The following MYO1E variants were observed in gnomAD, a reference collection of about 807,000 sequenced individuals.
The protein encoded by MYO1E is myosin IE.
Under a neutral mutation model 151.1 loss-of-function variants are expected in MYO1E, and 68 were observed. That is an observed-to-expected ratio of 0.45 (90% CI 0.37 to 0.55). The LOEUF (loss-of-function observed/expected upper bound fraction) is 0.55. Among genes scored for constraint, MYO1E ranks in the 20% least tolerant of loss-of-function variants. The probability of loss-of-function intolerance (pLI) is 0.00; values close to 1 mark genes in which losing one functional copy is unlikely to be tolerated. For missense variants in MYO1E, 1,363 were observed against 1,389.3 expected (o/e 0.98, Z 0.30); for synonymous variants, 601 against 501.7 (o/e 1.20, Z -2.64).
Position 59,207,307 on chromosome 15 carries a change from A to C in MYO1E, c.1530+1374T>G, listed in dbSNP as rs774637126. On this transcript the variant is annotated intron_variant, in intron 14 of 27. Transcript: ENST00000288235. ...TCAACATGGCAGCCCTTTCACGAAA[A>C]TGCCAAATATTGTTTGTAGCAAAGA... The C allele has an allele frequency of 3.7e-6, 6 of 1,614,054 alleles. No homozygotes were observed. The highest frequency in any genetic ancestry group is 1.7e-5 in the Admixed American group (1 of 60,004).
At chr15:59,162,168 T>C (rs2079541402) in intron 23 of MYO1E, among the ~76,000 whole-genome samples, 1 of 152,138 alleles carries the variant, frequency 6.6e-6, no homozygotes, top group African/African-American at 2.4e-5. Context: ...CCCGAGTAGC[T>C]GGGACTACAG....
At chr15:59,234,837 A>G (rs2080052635) in intron 5 of MYO1E, among the ~76,000 whole-genome samples, 2 of 151,876 alleles carry the variant, frequency 1.3e-5, no homozygotes, top group African/African-American at 4.8e-5. Flanking sequence ...AAAAAAAAAA[A>G]AAAAAGGGAA....
At chr15:59,314,836 A>C (rs2080576304) in intron 1 of MYO1E, among the ~76,000 whole-genome samples, 1 of 152,152 alleles carries the variant, frequency 6.6e-6, no homozygotes, top group African/African-American at 2.4e-5. Flanking sequence ...ACCCTGGCTT[A>C]GGTGACTGCT....
At chr15:59,264,199 C>T (rs1329406567) in intron 2 of MYO1E, among the ~76,000 whole-genome samples, 1 of 152,108 alleles carries the variant, frequency 6.6e-6, no homozygotes, top group Non-Finnish European at 1.5e-5. Context: ...ACATTTCAAA[C>T]TTTGCAGCAT....
intron 1 of MYO1E, among the ~76,000 whole-genome samples, chr15:59,294,156 T>C (rs1405416191): frequency 6.6e-6 from 1 of 152,186 alleles, no homozygotes; most frequent in Non-Finnish European, 1.5e-5. Context: ...TTCATGTTGC[T>C]AACTATTTAA....
At chr15:59,338,901 G>A (rs1222060647) in intron 1 of MYO1E, among the ~76,000 whole-genome samples, 1 of 152,190 alleles carries the variant, frequency 6.6e-6, no homozygotes, top group Admixed American at 6.5e-5. Flanking sequence ...GGAGGCCGAG[G>A]CAGGTGGATC....
rs561690635 is a variant in MYO1E, at chr15:59,191,880, C to A, written c.1805+3581G>T. 1.2e-4 allele frequency among the ~76,000 whole-genome samples: 19 copies of A among 152,170 alleles called. No homozygotes were observed. The South Asian group carries it at 3.7e-3, about 30-fold the overall frequency. On this transcript the variant is annotated intron_variant, in intron 17 of 27. Coordinates refer to ENST00000288235, the MANE Select transcript of MYO1E (RefSeq NM_004998.4). ...AGTCTTTTTCCAAGACTGTCCCTGG[C>A]CGTTTACTCAAATTGATCAGGGCTA...
intron 4 of MYO1E, among the ~76,000 whole-genome samples, chr15:59,239,240 A>T (rs75928520): frequency 0.46 from 64,671 of 140,830 alleles, 16,584 homozygotes; most frequent in Non-Finnish European, 0.61. Context: ...TTTATTTTTT[A>T]AAATTTGTGT....
intron 4 of MYO1E, among the ~76,000 whole-genome samples, chr15:59,242,698 G>C (rs181995172): frequency 6.6e-6 from 1 of 152,104 alleles, no homozygotes; most frequent in Non-Finnish European, 1.5e-5. Context: ...CATGATCTGA[G>C]AATATATCCC....
intron 13 of MYO1E, among the ~76,000 whole-genome samples, chr15:59,209,824 T>A (rs1370654503): frequency 1.0e-5 from 1 of 98,596 alleles, no homozygotes; most frequent in Non-Finnish European, 2.1e-5. Flanking sequence ...CCTTTTTTTT[T>A]TTTTTTTTTT....
chr15:59,154,414 C>T (rs1748646595), intron 25 of MYO1E, among the ~76,000 whole-genome samples: 1 of 152,236 alleles, frequency 6.6e-6, no homozygotes, highest in South Asian at 2.1e-4. Flanking sequence ...GTTAAAATCG[C>T]ATTAGCCAAT....
chr15:59,353,744 C>G (rs1453099819), intron 1 of MYO1E, among the ~76,000 whole-genome samples: 1 of 117,686 alleles, frequency 8.5e-6, no homozygotes, highest in African/African-American at 3.4e-5. Flanking sequence ...GCAACAAGAG[C>G]AAAACTCCGT....
At chr15:59,215,080 G>T (rs2079904836) in intron 10 of MYO1E, among the ~76,000 whole-genome samples, 1 of 152,088 alleles carries the variant, frequency 6.6e-6, no homozygotes, top group Admixed American at 6.5e-5. Context: ...CCACACTAAA[G>T]GATCTGTAAT....
intron 10 of MYO1E, among the ~76,000 whole-genome samples, chr15:59,217,358 G>A (rs1223859710): frequency 4.6e-5 from 7 of 151,716 alleles, no homozygotes; most frequent in Non-Finnish European, 7.4e-5. Flanking sequence ...ATTTTGTCCA[G>A]AAGAAACTTG....
intron 4 of MYO1E, 101 bp downstream of exon 4, chr15:59,256,183 A>G (rs1298349341): frequency 1.7e-5 from 14 of 843,780 alleles, no homozygotes; most frequent in African/African-American, 1.7e-5. Context: ...CCAGGCTGTG[A>G]CATCAGTAGC....
chr15:59,162,849 A>T (rs556429923), intron 23 of MYO1E, among the ~76,000 whole-genome samples: 4 of 152,170 alleles, frequency 2.6e-5, no homozygotes, highest in South Asian at 2.1e-4. Flanking sequence ...CTCCTAAATT[A>T]AAAAAACCCT....
At chr15:59,244,839 C>A (rs191270122) in intron 4 of MYO1E, among the ~76,000 whole-genome samples, 284 of 152,260 alleles carry the variant, frequency 1.9e-3, no homozygotes, top group South Asian at 0.015. Context: ...AGCAAGTACT[C>A]GAAAAAGAGT....
At position 59,208,772 on chromosome 15, in the gene MYO1E, G is replaced by A. The variant is rs757947059; in HGVS notation, c.1439C>T (p.Thr480Met). The change falls in exon 14 of 28, where the codon ACG becomes ATG. Residue 480 changes from threonine to methionine, a missense_variant. Coordinates refer to ENST00000288235, the MANE Select transcript of MYO1E (RefSeq NM_004998.4). The stretch of plus-strand genomic sequence containing the variant: ...CTGCATCTGAAGTTTCTGGAGCAGC[G>A]TCTGATCTGCCCCCTCACCCACCGC... The part of the protein sequence containing the change: ...MHAVGEGADQ[T>M]LLQKLQMQIG... The A allele has an allele frequency of 8.7e-6, 14 of 1,614,054 alleles. No individual in the cohort carries two copies. Among genetic ancestry groups the A allele is most frequent in the African/African-American group, 5.3e-5 (4 of 74,916 alleles).
At chr15:59,141,541 A>G (rs547993135) in intron 26 of MYO1E, among the ~76,000 whole-genome samples, 1 of 152,260 alleles carries the variant, frequency 6.6e-6, no homozygotes, top group South Asian at 2.1e-4. Context: ...GCTCACGCCT[A>G]TAATCCCAGC....
Sources: allele counts gnomAD v4.1 joint callset (sites outside exome capture counted in the v4.1 genomes callset), GRCh38; gene constraint gnomAD v4.1.1; transcripts MANE v1.5; gene names NCBI Gene and HGNC (gene_info 2026-07-23, HGNC 2026-07-21).